HNRNPA1L2: variants seen among roughly 807,000 people sequenced by gnomAD.
HNRNPA1L2 encodes the protein heterogeneous nuclear ribonucleoprotein A1 like 2.
Under a neutral mutation model 18.2 loss-of-function variants are expected in HNRNPA1L2, and 10 were observed. The observed-to-expected ratio is 0.55, with a 90% confidence interval of 0.34 to 0.93. The LOEUF (loss-of-function observed/expected upper bound fraction) is 0.93. Among genes scored for constraint, HNRNPA1L2 ranks in the 40% least tolerant of loss-of-function variants. HNRNPA1L2 has a pLI of 0.02. For missense variants in HNRNPA1L2, 308 were observed against 394.4 expected (o/e 0.78, Z 1.85); for synonymous variants, 124 against 138.6 (o/e 0.89, Z 0.74).
chr13:52,617,701 T>C, the HNRNPA1L2 span: 1 of 439,890 alleles, frequency 2.3e-6, no homozygotes, highest in Non-Finnish European at 4.1e-6. Flanking sequence ...GTTCAGCACT[T>C]TTGGCTCCGC....
At chr13:52,638,896 T>G (rs1187898975), upstream of HNRNPA1L2, among the ~76,000 whole-genome samples, 1 of 152,142 alleles carries the variant, frequency 6.6e-6, no homozygotes, top group Non-Finnish European at 1.5e-5. Flanking sequence ...AATATGCTTG[T>G]GGTTTAGAGC....
chr13:52,622,243 T>A, the HNRNPA1L2 span: 4 of 154,202 alleles, frequency 2.6e-5, no homozygotes, highest in African/African-American at 9.6e-5. Context: ...CAAAGAGCTT[T>A]AGGACATGCT....
At chr13:52,628,452 T>G in the HNRNPA1L2 span, among the ~76,000 whole-genome samples, 18 of 151,866 alleles carry the variant, frequency 1.2e-4, no homozygotes, top group African/African-American at 4.4e-4. Context: ...CTGAAAGAAA[T>G]TATATTTAAA....
the HNRNPA1L2 span, among the ~76,000 whole-genome samples, chr13:52,636,748 T>G: frequency 3.9e-5 from 6 of 152,214 alleles, no homozygotes; most frequent in Non-Finnish European, 7.3e-5. Flanking sequence ...AATTTATTTT[T>G]TTTTCCAGTA....
chr13:52,622,730 A>G, the HNRNPA1L2 span, among the ~76,000 whole-genome samples: 6 of 152,232 alleles, frequency 3.9e-5, no homozygotes, highest in Admixed American at 2.6e-4. Flanking sequence ...CCTGTGACCA[A>G]TAACTATCCG....
the HNRNPA1L2 span, among the ~76,000 whole-genome samples, chr13:52,631,169 G>A: frequency 6.6e-6 from 1 of 152,242 alleles, no homozygotes; most frequent in South Asian, 2.1e-4. Flanking sequence ...TGGACTTATT[G>A]CTTCTGTTGG....
the HNRNPA1L2 span, among the ~76,000 whole-genome samples, chr13:52,636,712 A>T: frequency 1.3e-5 from 2 of 152,272 alleles, no homozygotes; most frequent in Non-Finnish European, 2.9e-5. Context: ...ATTCATATTC[A>T]TAAAAATACC....
chr13:52,635,837 T>TG, the HNRNPA1L2 span, among the ~76,000 whole-genome samples: 1 of 151,056 alleles, frequency 6.6e-6, no homozygotes, highest in Non-Finnish European at 1.5e-5. Context: ...TACTGTTTTT[T>TG]TTTTTTTTTT....
the HNRNPA1L2 span, among the ~76,000 whole-genome samples, chr13:52,623,095 C>T: frequency 6.6e-6 from 1 of 152,124 alleles, no homozygotes; most frequent in East Asian, 1.9e-4. Flanking sequence ...TTCAGACAAT[C>T]AGTACCCATA....
chr13:52,639,664 T>G (rs1356967223), upstream of HNRNPA1L2, among the ~76,000 whole-genome samples: 3 of 147,162 alleles, frequency 2.0e-5, no homozygotes, highest in Non-Finnish European at 4.5e-5. Flanking sequence ...TCGTTTTGTG[T>G]GTTCTCTTCT....
chr13:52,639,694 CAAAA>C (rs10661534), upstream of HNRNPA1L2, among the ~76,000 whole-genome samples: 7 of 73,540 alleles, frequency 9.5e-5, no homozygotes, highest in Admixed American at 3.2e-4. Context: ...GACCCTGTCT[CAAAA>C]AAAAAAAAAA....
the HNRNPA1L2 span, among the ~76,000 whole-genome samples, chr13:52,634,885 G>A: frequency 6.6e-6 from 1 of 152,112 alleles, no homozygotes; most frequent in Non-Finnish European, 1.5e-5. Flanking sequence ...GATCAAATGA[G>A]GTCATCTGAA....
At chr13:52,624,135 G>T in the HNRNPA1L2 span, among the ~76,000 whole-genome samples, 1 of 152,182 alleles carries the variant, frequency 6.6e-6, no homozygotes, top group Non-Finnish European at 1.5e-5. Context: ...TTGTTTTTGA[G>T]ATGGAGTCTC....
chr13:52,635,450 A>G, the HNRNPA1L2 span, among the ~76,000 whole-genome samples: 1 of 152,058 alleles, frequency 6.6e-6, no homozygotes, highest in Non-Finnish European at 1.5e-5. Flanking sequence ...TTACAACTTT[A>G]TTAAGGTATA....
the HNRNPA1L2 span, among the ~76,000 whole-genome samples, chr13:52,618,268 C>T: frequency 6.6e-6 from 1 of 152,196 alleles, no homozygotes; most frequent in South Asian, 2.1e-4. Context: ...TCAGGATATC[C>T]TTTCTGGAAG....
rs753905837 is a variant in HNRNPA1L2 at position 52,643,056 on chromosome 13, T to G, written c.564T>G (p.Ser188Arg). Residue 188 changes from serine (S) to arginine (R), a missense_variant, in exon 1 of 1, where the codon AGT becomes AGG. Physicochemically the swap from Ser to Arg is moderately radical, Grantham distance 110 (BLOSUM62 -1). Coordinates refer to ENST00000357495, the MANE Select transcript of HNRNPA1L2 (RefSeq NM_001389320.1). ...CCCTGCCAAAGCAAGAGATGGCTAG[T>G]GCTTCATCCAGCCAAAGAGGTCGAA... ...RKALPKQEMA[S>R]ASSSQRGRRG... 6.3e-7 allele frequency: 1 copy of G among 1,597,594 alleles called. No individual in the cohort carries two copies. The highest frequency in any genetic ancestry group is 1.1e-5 in the South Asian group (1 of 90,990).
the HNRNPA1L2 span, among the ~76,000 whole-genome samples, chr13:52,633,659 A>G: frequency 6.6e-6 from 1 of 152,176 alleles, no homozygotes; most frequent in African/African-American, 2.4e-5. Context: ...AAAAATAGAA[A>G]AAAATTATCT....
the HNRNPA1L2 span, among the ~76,000 whole-genome samples, chr13:52,619,606 C>G: frequency 6.6e-6 from 1 of 152,036 alleles, no homozygotes; most frequent in African/African-American, 2.4e-5. Flanking sequence ...AGCCGCTGCA[C>G]CTGACCAGTG....
the HNRNPA1L2 span, among the ~76,000 whole-genome samples, chr13:52,628,547 A>C: frequency 2.0e-5 from 3 of 152,224 alleles, no homozygotes; most frequent in Admixed American, 2.0e-4. Context: ...CAATAAATAA[A>C]TACATCTATC....
Sources: gnomAD v4.1 joint callset for allele counts (sites outside exome capture counted in the v4.1 genomes callset) on GRCh38, gnomAD v4.1.1 for gene constraint, MANE v1.5 for transcripts, NCBI Gene and HGNC (gene_info 2026-07-23, HGNC 2026-07-21) for gene names.